Variants in MTCL1 observed in about 807,000 individuals in gnomAD.
MTCL1 encodes microtubule crosslinking factor 1.
Under a neutral mutation model 141.4 loss-of-function variants are expected in MTCL1, and 79 were observed. The observed-to-expected ratio is 0.56, with a 90% CI of 0.47 to 0.67. The LOEUF is 0.67. Among genes scored for constraint, MTCL1 ranks in the 30% least tolerant of loss-of-function variants. The pLI is 0.00. For missense variants in MTCL1, 2,177 were observed against 2,113.9 expected (o/e 1.03, Z -0.59); for synonymous variants, 914 against 875.8 (o/e 1.04, Z -0.77).
intron 10 of MTCL1, among the ~76,000 whole-genome samples, chr18:8,803,451 TA>T (rs2076189884): frequency 6.6e-6 from 1 of 152,210 alleles, no homozygotes. Flanking sequence ...CCTATAATAT[TA>T]GTAGTTATCA....
intron 4 of MTCL1, among the ~76,000 whole-genome samples, chr18:8,772,008 C>G (rs2096486974): frequency 6.6e-6 from 1 of 152,228 alleles, no homozygotes; most frequent in Non-Finnish European, 1.5e-5. Flanking sequence ...TTGTCCTGCA[C>G]CCGTGGACAC....
intron 6 of MTCL1, 104 bp from the exon 6 acceptor site, chr18:8,785,827 GTTTTC>G: frequency 7.2e-7 from 1 of 1,383,328 alleles, no homozygotes. Context: ...GTCCATTTTT[GTTTTC>G]TTTATCCCCC....
At chr18:8,726,386 C>T (rs2096212073) in intron 4 of MTCL1, among the ~76,000 whole-genome samples, 1 of 147,306 alleles carries the variant, frequency 6.8e-6, no homozygotes, top group African/African-American at 2.5e-5. Context: ...AATTTGGTTC[C>T]TGGCGAGAGC....
chr18:8,787,559 G>T (rs1352436139), intron 7 of MTCL1, among the ~76,000 whole-genome samples: 1 of 152,244 alleles, frequency 6.6e-6, no homozygotes, highest in Admixed American at 6.5e-5. Context: ...TTGTACAGCC[G>T]CTGTCTTGCC....
At chr18:8,789,233 A>G (rs1485030290) in intron 7 of MTCL1, among the ~76,000 whole-genome samples, 1 of 152,238 alleles carries the variant, frequency 6.6e-6, no homozygotes, top group Admixed American at 6.5e-5. Flanking sequence ...GCCAGCCACA[A>G]GGAAGTTACG....
exon 15 of MTCL1, chr18:8,826,148 G>A: frequency 6.2e-7 from 1 of 1,613,432 alleles, no homozygotes. Context: ...TAAAGGAGGA[G>A]AGGAGGCAGG....
At position 8,705,763 on chromosome 18, in the gene MTCL1, A is replaced by AGGC; in HGVS notation, c.110_112dup (p.Arg37dup). On this transcript the variant is annotated inframe_insertion, in exon 1 of 14. Transcript: ENST00000306329. The surrounding 1 kb of genome is among the most constrained non-coding windows in gnomAD (Gnocchi z 5.2). ...CCACCACCTCCACCCGGTGGCCGAA[A>AGGC]GGCGGCGGCTGCACCGTGCGCCCTC... 8.3e-7 allele frequency: 1 copy of AGGC among 1,201,088 alleles called. No individual in the cohort carries two copies. The allele number at this position is 1,201,088 out of a possible 1,614,324, so 74.4% of individuals were successfully genotyped here. A position where few individuals can be genotyped will look rare whatever the true frequency, so the allele number is the denominator to read the frequency against.
exon 1 of MTCL1, chr18:8,706,062 C>T (rs1180426534): frequency 1.4e-5 from 17 of 1,191,174 alleles, no homozygotes; most frequent in Middle Eastern, 3.3e-4. Flanking sequence ...GGGCGGCGCG[C>T]GTGGCGCCCG....
At chr18:8,753,244 A>G (rs1262711979) in intron 4 of MTCL1, among the ~76,000 whole-genome samples, 1 of 152,264 alleles carries the variant, frequency 6.6e-6, no homozygotes, top group Non-Finnish European at 1.5e-5. Context: ...TGTTAGAGGC[A>G]TGGCCTTCTA....
At chr18:8,776,078 T>G (rs1324320829) in intron 4 of MTCL1, among the ~76,000 whole-genome samples, 1 of 152,194 alleles carries the variant, frequency 6.6e-6, no homozygotes, top group Admixed American at 6.5e-5. Context: ...CTTTGCAAAC[T>G]CTTCTGATAC....
intron 6 of MTCL1, 33 bp from the exon 6 acceptor site, chr18:8,785,902 CA>C: frequency 6.5e-7 from 1 of 1,535,138 alleles, no homozygotes; most frequent in African/African-American, 1.4e-5. Context: ...TTTTAAAGAA[CA>C]ACAACAACAA....
At chr18:8,769,042 G>A (rs1568000967) in intron 4 of MTCL1, among the ~76,000 whole-genome samples, 1 of 152,094 alleles carries the variant, frequency 6.6e-6, no homozygotes, top group Admixed American at 6.5e-5. Context: ...TGATCCACCC[G>A]CCTTGGCCTC....
At chr18:8,820,985 C>A (rs1208656421) in intron 13 of MTCL1, among the ~76,000 whole-genome samples, 1 of 149,626 alleles carries the variant, frequency 6.7e-6, no homozygotes, top group Middle Eastern at 3.2e-3. Flanking sequence ...AACCAAGTGC[C>A]CGAGTCTAAG....
intron 4 of MTCL1, among the ~76,000 whole-genome samples, chr18:8,722,159 T>C (rs571643089): frequency 6.6e-6 from 1 of 152,346 alleles, no homozygotes; most frequent in South Asian, 2.1e-4. Flanking sequence ...CTAAGTTTGC[T>C]GGAATAATTT....
chr18:8,745,328 A>T (rs753849266), intron 4 of MTCL1, among the ~76,000 whole-genome samples: 1 of 152,078 alleles, frequency 6.6e-6, no homozygotes, highest in Non-Finnish European at 1.5e-5. Context: ...CAATGTGTGT[A>T]CCCCTCGGAT....
At chr18:8,736,362 A>G (rs1567959017) in intron 4 of MTCL1, among the ~76,000 whole-genome samples, 2 of 152,200 alleles carry the variant, frequency 1.3e-5, no homozygotes, top group African/African-American at 4.8e-5. Flanking sequence ...TCAAAAATGC[A>G]TTTAATACAC....
At chr18:8,783,675 A>G (rs1287819801) in exon 6 of MTCL1, 2 of 1,611,716 alleles carry the variant, frequency 1.2e-6, no homozygotes, top group African/African-American at 1.3e-5. Context: ...GGGGATGTGG[A>G]CAGTCCCCTG....
rs536341540 is a variant in MTCL1, at chr18:8,706,661, A to G, written c.1001A>G (p.Glu334Gly). ...CGGCTCGTGCCAGCGGCGGAGGAAG[A>G]AGAGCTGCTGCGGGAGATGGAGGAG... is the stretch of plus-strand genomic sequence containing the variant. The change falls in exon 1 of 14, where the codon GAA becomes GGA. Residue 334 changes from glutamate to glycine, a missense_variant. Glu to Gly is a moderately conservative substitution (Grantham distance 98, BLOSUM62 -2). Transcript: ENST00000306329. 76 of 1,546,314 alleles carry G rather than the reference A, an allele frequency of 4.9e-5. 3 individuals carry two copies. In the East Asian group the frequency reaches 5.9e-4, roughly 12 times the overall value.
chr18:8,774,253 A>AGTGTGTGTGTGTGT (rs1568007863), intron 4 of MTCL1, among the ~76,000 whole-genome samples: 1 of 99,992 alleles, frequency 1.0e-5, no homozygotes, highest in East Asian at 5.3e-4. Context: ...ACTCTTTTCG[A>AGTGTGTGTGTGTGT]ATGTGTGTGT....
Sources: allele counts gnomAD v4.1 joint callset (sites outside exome capture counted in the v4.1 genomes callset), GRCh38; gene constraint gnomAD v4.1.1; non-coding constraint Gnocchi (gnomAD v3.1); transcripts MANE v1.5; gene names NCBI Gene and HGNC (gene_info 2026-07-23, HGNC 2026-07-21).